Variants in TYW3 observed in about 807,000 individuals in gnomAD.
TYW3 encodes tRNA-yW synthesizing protein 3 homolog, also known as tRNA wybutosine-synthesizing protein 3 homolog.
Under a neutral mutation model 23.1 loss-of-function variants are expected in TYW3, and 26 were observed. That is an observed-to-expected ratio of 1.13 (90% CI 0.83 to 1.56). TYW3 has a LOEUF of 1.56. TYW3 is among the 40% of genes most tolerant of loss of function. The pLI, the probability that TYW3 is intolerant of heterozygous loss-of-function variation, is 0.00. For missense variants in TYW3, 316 were observed against 311.9 expected (o/e 1.01, Z -0.10); for synonymous variants, 102 against 105.7 (o/e 0.97, Z 0.21).
intron 4 of TYW3, chr1:74,750,419 C>A (rs988827529): frequency 1.3e-5 from 2 of 152,272 alleles, no homozygotes; most frequent in Non-Finnish European, 2.9e-5. Flanking sequence ...CCAAAATTAG[C>A]CAGGCATGGT....
chr1:74,759,596 C>T (rs531686362), intron 5 of TYW3, among the ~76,000 whole-genome samples: 20 of 152,202 alleles, frequency 1.3e-4, no homozygotes, highest in African/African-American at 4.6e-4. Flanking sequence ...CCTTGAACAA[C>T]ATGGAGTTAG....
At chr1:74,750,642 T>C (rs1006667296) in intron 4 of TYW3, among the ~76,000 whole-genome samples, 1 of 152,120 alleles carries the variant, frequency 6.6e-6, no homozygotes, top group African/African-American at 2.4e-5. Context: ...ATTTTGCATC[T>C]ACCTGTTTAT....
At chr1:74,755,408 A>G (rs999880198) in intron 5 of TYW3, among the ~76,000 whole-genome samples, 7 of 152,184 alleles carry the variant, frequency 4.6e-5, no homozygotes, top group Non-Finnish European at 7.4e-5. Flanking sequence ...ATTATAGGTA[A>G]TTCATCTAAG....
In TYW3 at chr1:74,766,133, C is replaced by T. The variant is rs982887742; in HGVS notation, c.*2020C>T. On this transcript the variant is annotated 3_prime_UTR_variant, in exon 6 of 6. Coordinates refer to ENST00000370867, the MANE Select transcript of TYW3 (RefSeq NM_138467.3). ...AAGCTGTAGCACAACACATTACCCA[C>T]GTTTGTGGTGACAGTCATATAAAAG... 1 of 151,954 alleles carries T rather than the reference C, an allele frequency of 6.6e-6. No individual in the cohort carries two copies. Among genetic ancestry groups the T allele is most frequent in the Admixed American group, 6.6e-5 (1 of 15,230 alleles). 9.4% of individuals were successfully genotyped at this position (151,954 alleles called of 1,614,324 possible).
intron 4 of TYW3, 119 bp from the exon 5 acceptor site, chr1:74,752,173 T>G (rs1648806372): frequency 2.9e-6 from 3 of 1,025,062 alleles, no homozygotes; most frequent in East Asian, 2.7e-5. Flanking sequence ...AAGCGCTAAC[T>G]TAACTGTTGT....
At position 74,765,822 on chromosome 1, in the gene TYW3, G is replaced by C. The variant is rs1649287704; in HGVS notation, c.*1709G>C. On this transcript the variant is annotated 3_prime_UTR_variant, in exon 6 of 6. Coordinates refer to ENST00000370867, the MANE Select transcript of TYW3 (RefSeq NM_138467.3). ...TAAAGATTCCATAAACTGAATATAT[G>C]AATGAGAATTAAGAAGAGAGGGGCT... The C allele has an allele frequency of 6.6e-6, 1 of 152,022 alleles. No homozygotes were observed. The highest frequency in any genetic ancestry group is 1.5e-5 in the Non-Finnish European group (1 of 68,008). The allele number at this position is 152,022 out of a possible 1,614,324, so 9.4% of individuals were successfully genotyped here. A position where few individuals can be genotyped will look rare whatever the true frequency, so the allele number is the denominator to read the frequency against.
At chr1:74,746,138 C>T (rs1218191059) in intron 3 of TYW3, among the ~76,000 whole-genome samples, 1 of 152,208 alleles carries the variant, frequency 6.6e-6, no homozygotes, top group African/African-American at 2.4e-5. Context: ...GGGTAGAAGT[C>T]TGGAACTCAG....
chr1:74,743,159 T>C (rs1202798407), intron 3 of TYW3, among the ~76,000 whole-genome samples: 1 of 152,182 alleles, frequency 6.6e-6, no homozygotes, highest in African/African-American at 2.4e-5. Context: ...TTGTTTCTCG[T>C]TGGACAATCT....
intron 2 of TYW3, among the ~76,000 whole-genome samples, chr1:74,738,394 C>T (rs1648226182): frequency 6.6e-6 from 1 of 152,104 alleles, no homozygotes; most frequent in Non-Finnish European, 1.5e-5. Context: ...TACTACATTT[C>T]CTAATGAAAA....
rs1303188385 is a variant in TYW3, at chr1:74,760,560, T to G, written c.561-3334T>G. On this transcript the variant is annotated intron_variant, in intron 5 of 5. Transcript: ENST00000370867. ...TCTTATAACGGAGAGCATTTTGTGA[T>G]TTCAGTTAGAGCACTGTGTCCCATC... 2.0e-5 allele frequency among the ~76,000 whole-genome samples: 3 copies of G among 152,272 alleles called. No individual in the cohort carries two copies. In the South Asian group the frequency reaches 6.2e-4, roughly 32 times the overall value.
chr1:74,736,880 G>A (rs1296384771), intron 2 of TYW3, among the ~76,000 whole-genome samples: 1 of 152,072 alleles, frequency 6.6e-6, no homozygotes, highest in Non-Finnish European at 1.5e-5. Flanking sequence ...GACACCTATT[G>A]GATCCAAATT....
rs577077755 is a variant in TYW3, at chr1:74,761,935, G to T, written c.561-1959G>T. Among the ~76,000 whole-genome samples the T allele has an allele frequency of 5.9e-5, 9 of 152,158 alleles. No individual in the cohort carries two copies. In the South Asian group the frequency reaches 1.7e-3, roughly 28 times the overall value. On this transcript the variant is annotated intron_variant, in intron 5 of 5. Coordinates refer to ENST00000370867, the MANE Select transcript of TYW3 (RefSeq NM_138467.3). Reference sequence around the variant, plus strand: ...GATGGAAGATGGTGTCTACAGGGGAGCCAGGTTTCAGTAACGGAAGGATGT... The same window carrying T: ...GATGGAAGATGGTGTCTACAGGGGATCCAGGTTTCAGTAACGGAAGGATGT...
At chr1:74,745,872 C>T (rs1270492997) in intron 3 of TYW3, among the ~76,000 whole-genome samples, 1 of 152,212 alleles carries the variant, frequency 6.6e-6, no homozygotes, top group East Asian at 1.9e-4. Flanking sequence ...CAGCTGCCTT[C>T]TCCCTGTGTC....
intron 5 of TYW3, among the ~76,000 whole-genome samples, chr1:74,760,256 G>A (rs1649097409): frequency 6.7e-6 from 1 of 148,788 alleles, no homozygotes; most frequent in South Asian, 2.1e-4. Context: ...GGCAGAAGAG[G>A]TAGAGAAGGT....
rs140575488 is a variant in TYW3 at position 74,756,324 on chromosome 1, A to C, written c.560+3899A>C. 1.1e-3 allele frequency among the ~76,000 whole-genome samples: 174 copies of C among 152,308 alleles called. 1 individual carries two copies. The highest frequency in any genetic ancestry group is 3.9e-3 in the African/African-American group (161 of 41,574). On this transcript the variant is annotated intron_variant, in intron 5 of 5. Transcript: ENST00000370867. ...GACAGGAAAATGTGGGAAAGTTTGG[A>C]ACTTCCTAGAGACTTGTCTAATGGC...
At chr1:74,743,668 G>A (rs1570058844) in intron 3 of TYW3, among the ~76,000 whole-genome samples, 1 of 152,132 alleles carries the variant, frequency 6.6e-6, no homozygotes, top group Non-Finnish European at 1.5e-5. Flanking sequence ...CAGTCCCCAT[G>A]ATCTGAGTCG....
intron 4 of TYW3, among the ~76,000 whole-genome samples, chr1:74,750,845 T>C (rs1462761200): frequency 6.8e-6 from 1 of 147,048 alleles, no homozygotes; most frequent in African/African-American, 2.5e-5. Flanking sequence ...TTCACTCTTA[T>C]TGCCCAGACT....
At chr1:74,762,604 T>A (rs1286104279) in intron 5 of TYW3, among the ~76,000 whole-genome samples, 1 of 152,214 alleles carries the variant, frequency 6.6e-6, no homozygotes, top group Non-Finnish European at 1.5e-5. Context: ...ATGAAGTCTA[T>A]ATTCCATAAA....
At position 74,763,947 on chromosome 1, in the gene TYW3, A is replaced by T; in HGVS notation, c.614A>T (p.His205Leu). 4 of 1,607,962 alleles carry T rather than the reference A, an allele frequency of 2.5e-6. No individual in the cohort carries two copies. The South Asian group carries it at 3.4e-5, about 14-fold the overall frequency. The change falls in exon 6 of 6, where the codon CAT becomes CTT. Residue 205 changes from histidine to leucine, a missense_variant. Coordinates refer to ENST00000370867, the MANE Select transcript of TYW3 (RefSeq NM_138467.3). ...ALERETMTNLHPKIKEKNNSS... is the reference protein window; with the variant it reads ...ALERETMTNLLPKIKEKNNSS... ...GAAAGGGAAACGATGACTAACTTAC[A>T]TCCCAAGATCAAAGAGAAAAATAAC...
Sources: gnomAD v4.1 joint callset for allele counts (sites outside exome capture counted in the v4.1 genomes callset) on GRCh38, gnomAD v4.1.1 for gene constraint, MANE v1.5 for transcripts, NCBI Gene and HGNC (gene_info 2026-07-23, HGNC 2026-07-21) for gene names.